SNIP1: variants seen among roughly 807,000 people sequenced by gnomAD.
SNIP1 encodes the protein smad nuclear-interacting protein 1.
In SNIP1, 23 loss-of-function variants were observed where a neutral mutation model predicts 37.4. The ratio of observed to expected loss-of-function variants is 0.61; its 90% CI spans 0.44 to 0.87. SNIP1 has a LOEUF of 0.87. SNIP1 is among the 40% of genes least tolerant of loss of function. The probability of loss-of-function intolerance (pLI) is 0.00; values close to 1 mark genes in which losing one functional copy is unlikely to be tolerated. For synonymous variants in SNIP1, 174 were observed against 200.0 expected (o/e 0.87, Z 1.10); for missense variants, 459 against 540.4 (o/e 0.85, Z 1.49).
chr1:37,549,875 A>G (rs1370026940), intron 2 of SNIP1, among the ~76,000 whole-genome samples: 3 of 152,246 alleles, frequency 2.0e-5, no homozygotes, highest in Non-Finnish European at 4.4e-5. Context: ...ACTGTGTGGT[A>G]TTGGCAGAGT....
At chr1:37,545,501 C>A (rs907368188) in intron 2 of SNIP1, among the ~76,000 whole-genome samples, 1 of 143,272 alleles carries the variant, frequency 7.0e-6, no homozygotes, top group African/African-American at 2.6e-5. Flanking sequence ...GAAAAAACTT[C>A]TTGTTATGGA....
Position 37,536,064 on chromosome 1 carries a change from A to C in SNIP1, c.*1684T>G, listed in dbSNP as rs1472431697. The C allele has an allele frequency of 1.3e-5, 2 of 152,248 alleles. No individual in the cohort carries two copies. Among genetic ancestry groups the C allele is most frequent in the African/African-American group, 4.8e-5 (2 of 41,458 alleles). 9.4% of individuals were successfully genotyped at this position (152,248 alleles called of 1,614,324 possible). A position where few individuals can be genotyped will look rare whatever the true frequency, so the allele number is the denominator to read the frequency against. ...TGACCTCAGATGATCTGCCCACCTC[A>C]GCCTCCGAAAGTGTTGGGATTACAG... On this transcript the variant is annotated 3_prime_UTR_variant, in exon 4 of 4. Coordinates refer to ENST00000296215, the MANE Select transcript of SNIP1 (RefSeq NM_024700.4).
chr1:37,553,559 T>C (rs1390070752), intron 1 of SNIP1, among the ~76,000 whole-genome samples: 5 of 152,156 alleles, frequency 3.3e-5, no homozygotes, highest in African/African-American at 9.7e-5. Flanking sequence ...AATGAATGCA[T>C]AAATAAATGA....
chr1:37,552,737 T>C lies in SNIP1; in HGVS notation c.235A>G (p.Lys79Glu). Residue 79 changes from lysine to glutamate, a missense_variant, in exon 2 of 4, where the codon AAA becomes GAA. Transcript: ENST00000296215. ...RARGVSRSPP[K>E]KKNKASGRRS... ...CTCCCTGAGGCCTTGTTTTTCTTTT[T>C]GGGTGGGGACCTATTCAGAGCATGG... 1 of 1,614,142 alleles carries C rather than the reference T, an allele frequency of 6.2e-7. No homozygotes were observed. The highest frequency in any genetic ancestry group is 1.1e-5 in the South Asian group (1 of 91,080).
rs138800327 is a variant in SNIP1, at chr1:37,537,198, C to G, written c.*550G>C. On this transcript the variant is annotated 3_prime_UTR_variant, in exon 4 of 4. Coordinates refer to ENST00000296215, the MANE Select transcript of SNIP1 (RefSeq NM_024700.4). Reference sequence around the variant, plus strand: ...ACTGACTGCAGTACATTCCCACCCCCCAAAAAAATAAGTGCAAAATCAACT... The same window carrying G: ...ACTGACTGCAGTACATTCCCACCCCGCAAAAAAATAAGTGCAAAATCAACT... 4.9e-4 allele frequency: 75 copies of G among 153,288 alleles called. No individual in the cohort carries two copies. The highest frequency in any genetic ancestry group is 4.9e-3 in the Admixed American group (75 of 15,368). 9.5% of individuals were successfully genotyped at this position (153,288 alleles called of 1,614,324 possible). A position where few individuals can be genotyped will look rare whatever the true frequency, so the allele number is the denominator to read the frequency against.
intron 2 of SNIP1, among the ~76,000 whole-genome samples, chr1:37,543,999 A>T (rs2148114302): frequency 6.6e-6 from 1 of 152,122 alleles, no homozygotes; most frequent in South Asian, 2.1e-4. Flanking sequence ...TGCAAAAATT[A>T]GCCAGGTGTG....
At chr1:37,539,478 A>G (rs1017810412) in intron 3 of SNIP1, among the ~76,000 whole-genome samples, 1 of 152,220 alleles carries the variant, frequency 6.6e-6, no homozygotes, top group Non-Finnish European at 1.5e-5. Context: ...TTGGAAGGCC[A>G]AGGCAGGCGG....
At chr1:37,546,145 A>ACCCCCCCCCCCCC (rs34099617) in intron 2 of SNIP1, among the ~76,000 whole-genome samples, 1 of 124,922 alleles carries the variant, frequency 8.0e-6, no homozygotes, top group African/African-American at 3.5e-5. Context: ...TGGGACTAAG[A>ACCCCCCCCCCCCC]CCCCCCCCCC....
intron 2 of SNIP1, among the ~76,000 whole-genome samples, chr1:37,545,459 C>T (rs564794115): frequency 3.4e-5 from 5 of 148,248 alleles, no homozygotes; most frequent in Non-Finnish European, 7.4e-5. Context: ...TTTGGTACCC[C>T]CCGCCCCCAC....
intron 2 of SNIP1, among the ~76,000 whole-genome samples, chr1:37,548,068 C>T (rs1410466037): frequency 1.4e-5 from 2 of 143,012 alleles, no homozygotes; most frequent in African/African-American, 5.2e-5. Context: ...AGGAGAATGG[C>T]GTGAACCCCG....
rs370386634 is a variant in SNIP1, at chr1:37,535,239, T to TATATATATATATATATA, written c.*2508_*2509insTATATATATATATATAT. On this transcript the variant is annotated 3_prime_UTR_variant, in exon 4 of 4. Coordinates refer to ENST00000296215, the MANE Select transcript of SNIP1 (RefSeq NM_024700.4). ...AAATAAAAAATAAAAATTATATATA[T>TATATATATATATATATA]AAATTAGCCAGGCTTGGTGACAGGT... 9.2e-6 allele frequency: 1 copy of TATATATATATATATATA among 108,648 alleles called. No individual in the cohort carries two copies. The highest frequency in any genetic ancestry group is 1.8e-5 in the Non-Finnish European group (1 of 54,292). 6.7% of individuals were successfully genotyped at this position (108,648 alleles called of 1,614,324 possible). A position where few individuals can be genotyped will look rare whatever the true frequency, so the allele number is the denominator to read the frequency against.
chr1:37,540,867 G>T lies in SNIP1; in HGVS notation c.328-112C>A, dbSNP rs1643166458. The stretch of plus-strand genomic sequence containing the variant: ...CAAAAAGTCTTGTAATTTGGACTTT[G>T]GCATTTAGAACAACATTTCCCACAG... On this transcript the variant is annotated intron_variant, in intron 2 of 3. Coordinates refer to ENST00000296215, the MANE Select transcript of SNIP1 (RefSeq NM_024700.4). This position sits in a 1 kb window ranked among gnomAD's most constrained non-coding sequence, Gnocchi z 5.6. 9.8e-7 allele frequency: 1 copy of T among 1,022,540 alleles called. No homozygotes were observed. The highest frequency in any genetic ancestry group is 1.4e-6 in the Non-Finnish European group (1 of 709,462). The allele number at this position is 1,022,540 out of a possible 1,614,324, so 63.3% of individuals were successfully genotyped here. A position where few individuals can be genotyped will look rare whatever the true frequency, so the allele number is the denominator to read the frequency against.
intron 2 of SNIP1, chr1:37,544,861 G>A (rs959112100): frequency 1.1e-6 from 1 of 884,216 alleles, no homozygotes; most frequent in African/African-American, 1.6e-5. Context: ...ACCTGTCCAT[G>A]TCTTACTACT....
At chr1:37,553,919 A>G (rs1322096821) in intron 1 of SNIP1, 87 bp downstream of exon 1, 7 of 1,390,962 alleles carry the variant, frequency 5.0e-6, no homozygotes, top group African/African-American at 4.3e-5. Context: ...TGCGCCCACC[A>G]TTCAAAACCT....
chr1:37,546,850 C>G (rs1300641065), intron 2 of SNIP1, among the ~76,000 whole-genome samples: 9 of 152,192 alleles, frequency 5.9e-5, no homozygotes, highest in Non-Finnish European at 1.0e-4. Context: ...GGCCAATTCT[C>G]AGTCTTCATT....
rs866431182 is a variant in SNIP1 at position 37,554,018 on chromosome 1, C to A, written c.212G>T (p.Arg71Leu). The A allele has an allele frequency of 6.4e-7, 1 of 1,567,806 alleles. No homozygotes were observed. The highest frequency in any genetic ancestry group is 8.6e-7 in the Non-Finnish European group (1 of 1,156,614). ...ARSGHRGNRA[R>L]GVSRSPPKKK... ...CTCCCCCACTTACCGGCTAACTCCT[C>A]GGGCTCGGTTCCCGCGGTGGCCCGA... is the stretch of plus-strand genomic sequence containing the variant. The change falls in exon 1 of 4, where the codon CGA becomes CTA. Residue 71 changes from arginine to leucine, a missense_variant. Physicochemically the swap from Arg to Leu is moderately radical, Grantham distance 102. Transcript: ENST00000296215.
chr1:37,552,256 A>C (rs1416068062), intron 2 of SNIP1, among the ~76,000 whole-genome samples: 1 of 152,280 alleles, frequency 6.6e-6, no homozygotes. Flanking sequence ...TGGCTACAAA[A>C]GGACAACACG....
Position 37,554,163 on chromosome 1 carries a change from G to A in SNIP1, c.67C>T (p.Leu23=). The A allele has an allele frequency of 6.2e-7, 1 of 1,612,954 alleles. No individual in the cohort carries two copies. Among genetic ancestry groups the A allele is most frequent in the African/African-American group, 1.3e-5 (1 of 75,048 alleles). The change falls in exon 1 of 4, where the codon CTG becomes TTG. Residue 23 remains leucine (L), a synonymous_variant. Coordinates refer to ENST00000296215, the MANE Select transcript of SNIP1 (RefSeq NM_024700.4). ...TGCTTCACCACCACCCCCGCCGGCAGCACCACGTCCCCGTCCCGGTGTCTT... is the reference window on the plus strand; with the variant it reads ...TGCTTCACCACCACCCCCGCCGGCAACACCACGTCCCCGTCCCGGTGTCTT... ...RRRHRDGDVV[L]PAGVVVKQER... is the part of the protein sequence containing the mutation.
chr1:37,551,269 CA>C (rs56350752), intron 2 of SNIP1, among the ~76,000 whole-genome samples: 163 of 108,338 alleles, frequency 1.5e-3, no homozygotes, highest in African/African-American at 3.3e-3. Context: ...GACTCTGTCT[CA>C]AAAAAAAAAA....
Sources: allele counts gnomAD v4.1 joint callset (sites outside exome capture counted in the v4.1 genomes callset), GRCh38; gene constraint gnomAD v4.1.1; non-coding constraint Gnocchi (gnomAD v3.1); transcripts MANE v1.5; gene names NCBI Gene and HGNC (gene_info 2026-07-23, HGNC 2026-07-21).